The following P2RY2 variants were observed in gnomAD, a reference collection of about 807,000 sequenced individuals.
The protein encoded by P2RY2 is purinergic receptor P2Y2, also known as P2Y purinoceptor 2.
For synonymous variants in P2RY2, 241 were observed against 231.9 expected, an observed-to-expected ratio of 1.04 and a Z score of -0.35; for missense variants, 567 against 515.7, an observed-to-expected ratio of 1.10 and a Z score of -0.96.
rs557094128 is a variant in P2RY2 at position 73,234,379 on chromosome 11, C to T, written c.220C>T (p.His74Tyr). The T allele has an allele frequency of 2.5e-6, 4 of 1,614,242 alleles. No homozygotes were observed. The African/African-American group carries it at 5.3e-5, about 22-fold the overall frequency. ...TWNASTTYMF[H>Y]LAVSDALYAA... is the part of the protein sequence containing the mutation. The stretch of plus-strand genomic sequence containing the variant: ...GAATGCGTCCACCACATATATGTTC[C>T]ACCTGGCTGTGTCTGATGCACTGTA... The change falls in exon 3 of 3, where the codon CAC becomes TAC. Residue 74 changes from histidine (H) to tyrosine (Y), a missense_variant. By Grantham distance (83) the His-to-Tyr change is moderately conservative (BLOSUM62 2). Transcript: ENST00000393597.
Position 73,235,670 on chromosome 11 carries a change from A to T in P2RY2, c.*377A>T, listed in dbSNP as rs893527779. 1.1e-5 allele frequency: 11 copies of T among 1,018,974 alleles called. 1 individual carries two copies. The highest frequency in any genetic ancestry group is 1.0e-4 in the East Asian group (1 of 9,802). 63.1% of individuals were successfully genotyped at this position (1,018,974 alleles called of 1,614,324 possible). A position where few individuals can be genotyped will look rare whatever the true frequency, so the allele number is the denominator to read the frequency against. The stretch of plus-strand genomic sequence containing the variant: ...CCAGAGAGGAAGGTGGCTTACCAAG[A>T]TCACATACCAGAGTCTGGAGCTGAG... On this transcript the variant is annotated 3_prime_UTR_variant, in exon 3 of 3. Coordinates refer to ENST00000393597, the MANE Select transcript of P2RY2 (RefSeq NM_002564.4).
chr11:73,226,058 G>A (rs1036804469), intron 1 of P2RY2, among the ~76,000 whole-genome samples: 2 of 152,232 alleles, frequency 1.3e-5, no homozygotes, highest in Admixed American at 6.5e-5. Context: ...CCAGTGAGGA[G>A]GCTGCTGCTG....
intron 1 of P2RY2, among the ~76,000 whole-genome samples, chr11:73,220,420 A>T (rs1339325147): frequency 6.6e-6 from 1 of 152,180 alleles, no homozygotes; most frequent in Non-Finnish European, 1.5e-5. Context: ...GGCATTTGTG[A>T]TGTCAACACT....
chr11:73,220,932 G>T (rs899417403), intron 1 of P2RY2, among the ~76,000 whole-genome samples: 1 of 152,100 alleles, frequency 6.6e-6, no homozygotes, highest in Non-Finnish European at 1.5e-5. Context: ...TTGACTTAAT[G>T]GCTATAGTCT....
At chr11:73,223,618 A>G (rs1203220733) in intron 1 of P2RY2, among the ~76,000 whole-genome samples, 1 of 152,158 alleles carries the variant, frequency 6.6e-6, no homozygotes, top group Non-Finnish European at 1.5e-5. Context: ...GGCTGACTTC[A>G]CCAAGACTGC....
Position 73,241,625 on chromosome 11 carries a change from C to T in P2RY2, c.*6332C>T, listed in dbSNP as rs1424875369. ...AAGTCAGGTTTAAGATTTCCATCGC[C>T]TGCTTAATTGAATGCTCACCTGTCC... On this transcript the variant is annotated 3_prime_UTR_variant, in exon 3 of 3. Coordinates refer to ENST00000393597, the MANE Select transcript of P2RY2 (RefSeq NM_002564.4). 1 of 152,202 alleles carries T rather than the reference C, an allele frequency of 6.6e-6. No homozygotes were observed. Among genetic ancestry groups the T allele is most frequent in the Non-Finnish European group, 1.5e-5 (1 of 68,038 alleles). The allele number at this position is 152,202 out of a possible 1,614,324, so 9.4% of individuals were successfully genotyped here.
At chr11:73,229,909 G>A (rs779117160) in intron 2 of P2RY2, among the ~76,000 whole-genome samples, 10 of 152,036 alleles carry the variant, frequency 6.6e-5, no homozygotes, top group Non-Finnish European at 1.3e-4. Flanking sequence ...GTCCAAGTGG[G>A]GCAGAGGACC....
intron 1 of P2RY2, among the ~76,000 whole-genome samples, chr11:73,219,673 C>G (rs1002752709): frequency 2.0e-5 from 3 of 152,256 alleles, no homozygotes; most frequent in African/African-American, 7.2e-5. Flanking sequence ...TATTTGATAA[C>G]TGGGGCCTGC....
Position 73,236,117 on chromosome 11 carries a change from G to A in P2RY2, c.*824G>A. The A allele has an allele frequency of 1.0e-6, 1 of 1,000,064 alleles. No homozygotes were observed. The highest frequency in any genetic ancestry group is 1.2e-6 in the Non-Finnish European group (1 of 829,814). The allele number at this position is 1,000,064 out of a possible 1,614,324, so 61.9% of individuals were successfully genotyped here. ...CAGGTCATCCCCCACTGTAAAGCCAGTTGGCTTCTGTGCCTGACTCTGTGC... is the reference window on the plus strand; with the variant it reads ...CAGGTCATCCCCCACTGTAAAGCCAATTGGCTTCTGTGCCTGACTCTGTGC... On this transcript the variant is annotated 3_prime_UTR_variant, in exon 3 of 3. Coordinates refer to ENST00000393597, the MANE Select transcript of P2RY2 (RefSeq NM_002564.4).
chr11:73,234,043 A>C (rs1349757004), intron 2 of P2RY2, 113 bp from the exon 3 acceptor site: 12 of 1,294,442 alleles, frequency 9.3e-6, no homozygotes, highest in Non-Finnish European at 1.2e-5. Context: ...TGGAGGTTCC[A>C]GGTCCAGATC....
intron 2 of P2RY2, 24 bp from the exon 3 acceptor site, chr11:73,234,132 G>T (rs919024406): frequency 6.3e-7 from 1 of 1,578,306 alleles, no homozygotes; most frequent in Admixed American, 1.7e-5. Context: ...AACCCTGATG[G>T]CCCCACCCCT....
At chr11:73,228,909 C>G (rs1267581305) in intron 2 of P2RY2, among the ~76,000 whole-genome samples, 1 of 152,184 alleles carries the variant, frequency 6.6e-6, no homozygotes, top group Non-Finnish European at 1.5e-5. Context: ...GTAGTGAACT[C>G]CCTGTTTATG....
chr11:73,234,950 C>T lies in P2RY2; in HGVS notation c.791C>T (p.Thr264Ile). The T allele has an allele frequency of 1.2e-6, 2 of 1,610,884 alleles. No individual in the cohort carries two copies. Among genetic ancestry groups the T allele is most frequent in the Non-Finnish European group, 8.5e-7 (1 of 1,180,004 alleles). The change falls in exon 3 of 3, where the codon ACC becomes ATC. Residue 264 changes from threonine (T) to isoleucine (I), a missense_variant. Physicochemically the swap from Thr to Ile is moderately conservative, Grantham distance 89. Transcript: ENST00000393597. Reference sequence around the variant, plus strand: ...CTCTGCTTCCTGCCATTCCACGTCACCCGCACCCTCTACTACTCCTTCCGC... The same window carrying T: ...CTCTGCTTCCTGCCATTCCACGTCATCCGCACCCTCTACTACTCCTTCCGC... ...FALCFLPFHV[T>I]RTLYYSFRSL...
At chr11:73,230,677 G>A (rs1351337967) in intron 2 of P2RY2, among the ~76,000 whole-genome samples, 2 of 152,080 alleles carry the variant, frequency 1.3e-5, no homozygotes, top group African/African-American at 4.8e-5. Context: ...CGAGGGCTAT[G>A]AATGAACTCC....
intron 2 of P2RY2, among the ~76,000 whole-genome samples, chr11:73,232,339 G>A (rs914316861): frequency 6.6e-6 from 1 of 152,188 alleles, no homozygotes; most frequent in African/African-American, 2.4e-5. Flanking sequence ...TACATGATCT[G>A]TATCTTAGCC....
chr11:73,236,249 A>G lies in P2RY2; in HGVS notation c.*956A>G, dbSNP rs1053684817. The G allele has an allele frequency of 2.0e-5, 18 of 900,804 alleles. No homozygotes were observed. Among genetic ancestry groups the G allele is most frequent in the Non-Finnish European group, 2.4e-5 (18 of 739,168 alleles). The allele number at this position is 900,804 out of a possible 1,614,324, so 55.8% of individuals were successfully genotyped here. On this transcript the variant is annotated 3_prime_UTR_variant, in exon 3 of 3. Transcript: ENST00000393597. ...GTTAAGCCATTTAACTGGAGCTCCG[A>G]TTTAACTGGGAACCCCTTCTTTGTA...
rs1166113026 is a variant in P2RY2, at chr11:73,241,492, A to T, written c.*6199A>T. ...TGAGGCACAAACATGCAACTGTTTG[A>T]TTTTCCTCCCACCCATGCTCCCTGC... On this transcript the variant is annotated 3_prime_UTR_variant, in exon 3 of 3. Transcript: ENST00000393597. The T allele has an allele frequency of 1.3e-5, 2 of 152,380 alleles. No individual in the cohort carries two copies. The highest frequency in any genetic ancestry group is 1.3e-4 in the Admixed American group (2 of 15,286). The allele number at this position is 152,380 out of a possible 1,614,324, so 9.4% of individuals were successfully genotyped here.
chr11:73,240,364 T>A lies in P2RY2; in HGVS notation c.*5071T>A, dbSNP rs1460338789. 6.5e-6 allele frequency: 1 copy of A among 153,244 alleles called. No individual in the cohort carries two copies. The highest frequency in any genetic ancestry group is 1.5e-5 in the Non-Finnish European group (1 of 68,896). 9.5% of individuals were successfully genotyped at this position (153,244 alleles called of 1,614,324 possible). A position where few individuals can be genotyped will look rare whatever the true frequency, so the allele number is the denominator to read the frequency against. ...CCAGCAGTGACGCGGGGGACCTGCC[T>A]GCCCCAAAATATCTCCTGCCCCTAG... On this transcript the variant is annotated 3_prime_UTR_variant, in exon 3 of 3. Transcript: ENST00000393597.
At position 73,238,097 on chromosome 11, in the gene P2RY2, G is replaced by T. The variant is rs527804991; in HGVS notation, c.*2804G>T. On this transcript the variant is annotated 3_prime_UTR_variant, in exon 3 of 3. Coordinates refer to ENST00000393597, the MANE Select transcript of P2RY2 (RefSeq NM_002564.4). ...CAAGGCCAGAGATGGGCAGGGCTGA[G>T]CCCAAGGTCATTCAGCAGGTCAGCG... 6.6e-5 allele frequency among the ~76,000 whole-genome samples: 10 copies of T among 152,334 alleles called. No homozygotes were observed. The highest frequency in any genetic ancestry group is 2.0e-4 in the Admixed American group (3 of 15,308).
Sources: gnomAD v4.1 joint callset for allele counts (sites outside exome capture counted in the v4.1 genomes callset) on GRCh38, gnomAD v4.1.1 for gene constraint, MANE v1.5 for transcripts, NCBI Gene and HGNC (gene_info 2026-07-23, HGNC 2026-07-21) for gene names.